The following INPP4B variants were observed in gnomAD, a reference collection of about 807,000 sequenced individuals.
INPP4B encodes inositol polyphosphate-4-phosphatase type II B, also known as inositol polyphosphate 4-phosphatase type II.
INPP4B carries 55 observed loss-of-function variants against 122.5 expected under a neutral mutation model. The observed-to-expected ratio is 0.45, with a 90% CI of 0.36 to 0.56. The LOEUF (loss-of-function observed/expected upper bound fraction) is 0.56. INPP4B is among the 20% of genes least tolerant of loss of function. INPP4B has a pLI of 0.00. For synonymous variants in INPP4B, 403 were observed against 388.7 expected, an observed-to-expected ratio of 1.04 and a Z score of -0.43; for missense variants, 1,000 against 1,097.7, an observed-to-expected ratio of 0.91 and a Z score of 1.26.
chr4:142,623,903 A>G (rs1471080602), intron 2 of INPP4B, among the ~76,000 whole-genome samples: 1 of 151,930 alleles, frequency 6.6e-6, no homozygotes, highest in East Asian at 1.9e-4. Context: ...TGAACTCATC[A>G]TTTTTTATGG....
chr4:142,232,110 C>T (rs1854636258), intron 12 of INPP4B, among the ~76,000 whole-genome samples: 2 of 152,092 alleles, frequency 1.3e-5, no homozygotes, highest in South Asian at 4.1e-4. Flanking sequence ...CTATCTTGCC[C>T]TTTAAGAAAA....
rs565286784 is a variant in INPP4B, at chr4:142,567,203, T to C, written c.-190-104477A>G. ...TATATAAATTGGCAAAAGTGTTGCA[T>C]TCTGAATAACTATACTGTAGAAGTA... On this transcript the variant is annotated intron_variant, in intron 2 of 25. Transcript: ENST00000262992. 1.1e-3 allele frequency among the ~76,000 whole-genome samples: 162 copies of C among 152,328 alleles called. 4 individuals are homozygous for C. In the South Asian group the frequency reaches 0.033, roughly 31 times the overall value.
intron 18 of INPP4B, among the ~76,000 whole-genome samples, chr4:142,139,972 T>C (rs544240977): frequency 6.6e-6 from 1 of 152,306 alleles, no homozygotes; most frequent in East Asian, 1.9e-4. Flanking sequence ...CCACAGCAAC[T>C]GGCCCAGATG....
Position 142,261,022 on chromosome 4 carries a change from G to A in INPP4B, c.616-458C>T, listed in dbSNP as rs1343645407. ...GTTATATAGGGCAAAAGATTATTTT[G>A]CCTCCAGCAAAACAACGCAAGCACT... On this transcript the variant is annotated intron_variant, in intron 10 of 25. Coordinates refer to ENST00000262992, the MANE Select transcript of INPP4B (RefSeq NM_001101669.3). Among the ~76,000 whole-genome samples, 6 of 152,278 alleles carry A rather than the reference G, an allele frequency of 3.9e-5. No individual in the cohort carries two copies. In the East Asian group the frequency reaches 1.2e-3, roughly 29 times the overall value.
At position 142,086,266 on chromosome 4, in the gene INPP4B, A is replaced by G. The variant is rs336324; in HGVS notation, c.2375-10T>C. On this transcript the variant is annotated splice_polypyrimidine_tract_variant and intron_variant, in intron 23 of 25. Transcript: ENST00000262992. ...TGAAAATGTGAAATATCTGAAGGGG[A>G]AAAAACAAAGGAGAAAAATAAAATG... The G allele has an allele frequency of 0.73, 1,000,353 of 1,379,550 alleles. 368,353 individuals are homozygous for G. Among genetic ancestry groups the G allele is most frequent in the Non-Finnish European group, 0.76 (730,848 of 967,974 alleles). The allele number at this position is 1,379,550 out of a possible 1,614,324, so 85.5% of individuals were successfully genotyped here.
At chr4:142,182,788 G>A (rs1048244408) in intron 15 of INPP4B, among the ~76,000 whole-genome samples, 1 of 151,932 alleles carries the variant, frequency 6.6e-6, no homozygotes, top group African/African-American at 2.4e-5. Context: ...GCTCCCTCAA[G>A]CCCTCAGCCA....
intron 23 of INPP4B, among the ~76,000 whole-genome samples, chr4:142,100,563 C>G (rs5009343): frequency 1.9e-4 from 1 of 5,380 alleles, no homozygotes; most frequent in East Asian, 0.026. Context: ...CTGGGGCCAT[C>G]TGAATACTGC....
chr4:142,194,227 C>T (rs1192574386), intron 14 of INPP4B, among the ~76,000 whole-genome samples: 1 of 152,086 alleles, frequency 6.6e-6, no homozygotes, highest in Non-Finnish European at 1.5e-5. Flanking sequence ...AGAAAGAATA[C>T]AACACAAACC....
chr4:142,221,899 A>T (rs568977464), intron 12 of INPP4B, among the ~76,000 whole-genome samples: 1 of 152,194 alleles, frequency 6.6e-6, no homozygotes, highest in Non-Finnish European at 1.5e-5. Context: ...TAGATGATTC[A>T]ACTAAGTCAA....
At chr4:142,050,681 T>C (rs975223076) in intron 25 of INPP4B, among the ~76,000 whole-genome samples, 17 of 152,060 alleles carry the variant, frequency 1.1e-4, no homozygotes, top group Non-Finnish European at 2.1e-4. Context: ...ATTCGTTTTG[T>C]AATATTTAAA....
intron 1 of INPP4B, among the ~76,000 whole-genome samples, chr4:142,734,700 C>A (rs1186228851): frequency 6.6e-6 from 1 of 152,158 alleles, no homozygotes; most frequent in Admixed American, 6.5e-5. Context: ...GGCTGGAGTG[C>A]AATAGGGCGA....
At chr4:142,523,698 G>A (rs1272757218) in intron 2 of INPP4B, among the ~76,000 whole-genome samples, 1 of 151,190 alleles carries the variant, frequency 6.6e-6, no homozygotes, top group East Asian at 2.0e-4. Flanking sequence ...GGGTACATGT[G>A]CACATTGTGC....
Position 142,239,173 on chromosome 4 carries a change from C to T in INPP4B, c.689-1162G>A, listed in dbSNP as rs1166053348. Among the ~76,000 whole-genome samples the T allele has an allele frequency of 2.0e-5, 3 of 151,956 alleles. No individual in the cohort carries two copies. In the South Asian group the frequency reaches 6.2e-4, roughly 32 times the overall value. On this transcript the variant is annotated intron_variant, in intron 11 of 25. Coordinates refer to ENST00000262992, the MANE Select transcript of INPP4B (RefSeq NM_001101669.3). ...GAAATGAGGATCTATTCATCCTTTCCTCTGCAATCATCCATTCTCAAAGGT... is the reference window on the plus strand; with the variant it reads ...GAAATGAGGATCTATTCATCCTTTCTTCTGCAATCATCCATTCTCAAAGGT...
intron 7 of INPP4B, among the ~76,000 whole-genome samples, chr4:142,357,833 T>C (rs530303348): frequency 6.6e-6 from 1 of 152,156 alleles, no homozygotes; most frequent in African/African-American, 2.4e-5. Flanking sequence ...ATTTGCATTA[T>C]TGTGGATATA....
chr4:142,497,757 C>T (rs749692852), intron 2 of INPP4B, among the ~76,000 whole-genome samples: 1 of 152,174 alleles, frequency 6.6e-6, no homozygotes, highest in African/African-American at 2.4e-5. Flanking sequence ...TATATTGTCA[C>T]TAGCTTCAGT....
intron 16 of INPP4B, among the ~76,000 whole-genome samples, chr4:142,171,374 G>A (rs1020763037): frequency 1.2e-4 from 18 of 151,666 alleles, no homozygotes; most frequent in East Asian, 9.7e-4. Context: ...TTCCAAACAC[G>A]CAAGTTCAGA....
intron 16 of INPP4B, among the ~76,000 whole-genome samples, chr4:142,170,286 C>T (rs937316594): frequency 6.6e-6 from 1 of 151,532 alleles, no homozygotes; most frequent in Admixed American, 6.6e-5. Flanking sequence ...CCCAATTATC[C>T]ATAAGAAGGC....
chr4:142,099,320 T>C (rs1334717346), intron 23 of INPP4B, among the ~76,000 whole-genome samples: 1 of 152,176 alleles, frequency 6.6e-6, no homozygotes, highest in African/African-American at 2.4e-5. Context: ...GTCTATGCAA[T>C]GACAAATATG....
At chr4:142,489,687 C>A (rs1201137562) in intron 2 of INPP4B, among the ~76,000 whole-genome samples, 1 of 152,136 alleles carries the variant, frequency 6.6e-6, no homozygotes, top group Non-Finnish European at 1.5e-5. Flanking sequence ...AGCCACCACA[C>A]CTGGCGTAGA....
Sources: allele counts gnomAD v4.1 joint callset (sites outside exome capture counted in the v4.1 genomes callset), GRCh38; gene constraint gnomAD v4.1.1; transcripts MANE v1.5; gene names NCBI Gene and HGNC (gene_info 2026-07-23, HGNC 2026-07-21).